Variants in KCNQ1 observed in about 807,000 individuals in gnomAD.
KCNQ1 encodes the protein potassium voltage-gated channel subfamily KQT member 1.
Under a neutral mutation model 72.4 loss-of-function variants are expected in KCNQ1, and 49 were observed. That is an observed-to-expected ratio of 0.68 (90% CI 0.54 to 0.86). The LOEUF is 0.86. KCNQ1 is among the 40% of genes least tolerant of loss of function. KCNQ1 has a pLI of 0.00. For missense variants in KCNQ1, 790 were observed against 945.1 expected (o/e 0.84, Z 2.15); for synonymous variants, 450 against 412.6 (o/e 1.09, Z -1.10).
chr11:2,445,907 C>T (rs1358796535), intron 1 of KCNQ1, among the ~76,000 whole-genome samples: 1 of 152,164 alleles, frequency 6.6e-6, no homozygotes, highest in South Asian at 2.1e-4. Context: ...ATGTCCGGTG[C>T]CGCATCTCAG....
In KCNQ1 at chr11:2,734,345, A is replaced by G. The variant is rs1464324443; in HGVS notation, c.1515-34499A>G. Among the ~76,000 whole-genome samples the G allele has an allele frequency of 1.3e-5, 2 of 152,206 alleles. No homozygotes were observed. The highest frequency in any genetic ancestry group is 2.9e-5 in the Non-Finnish European group (2 of 68,032). On this transcript the variant is annotated intron_variant, in intron 11 of 15. Coordinates refer to ENST00000155840, the MANE Select transcript of KCNQ1 (RefSeq NM_000218.3). The surrounding 1 kb of genome is among the most constrained non-coding windows in gnomAD (Gnocchi z 7.0). ...TTTCCGTGAGGTGGCGGGGAGCACC[A>G]AGGGTAGAGGCAGGGGAGCAATGGA...
Position 2,659,094 on chromosome 11 carries a change from T to C in KCNQ1, c.1394-2867T>C. The C allele has an allele frequency of 5.0e-6, 2 of 398,646 alleles. No individual in the cohort carries two copies. Among genetic ancestry groups the C allele is most frequent in the Middle Eastern group, 6.3e-4 (1 of 1,590 alleles). 24.7% of individuals were successfully genotyped at this position (398,646 alleles called of 1,614,324 possible). On this transcript the variant is annotated intron_variant, in intron 10 of 15. Coordinates refer to ENST00000155840, the MANE Select transcript of KCNQ1 (RefSeq NM_000218.3). The surrounding 1 kb of genome is among the most constrained non-coding windows in gnomAD (Gnocchi z 4.3). ...TAGTCTGCTTTTCATCGTAGGGTCC[T>C]CCAACATCCGGGTTAATTTTTTAAA...
At chr11:2,523,079 C>T (rs1847417772) in intron 1 of KCNQ1, among the ~76,000 whole-genome samples, 1 of 152,236 alleles carries the variant, frequency 6.6e-6, no homozygotes, top group Admixed American at 6.5e-5. Context: ...GAAGCCCAGG[C>T]GCGTGGTATT....
At position 2,517,010 on chromosome 11, in the gene KCNQ1, C is replaced by G. The variant is rs544573102; in HGVS notation, c.387-10918C>G. On this transcript the variant is annotated intron_variant, in intron 1 of 15. Transcript: ENST00000155840. ...ACTCGGGATGGCATGGCAGGGCCCTCAAGCACGGCTGTGTTCACCCCCCAG... is the reference window on the plus strand; with the variant it reads ...ACTCGGGATGGCATGGCAGGGCCCTGAAGCACGGCTGTGTTCACCCCCCAG... Among the ~76,000 whole-genome samples, 45 of 152,292 alleles carry G rather than the reference C, an allele frequency of 3.0e-4. 1 individual carries two copies. In the East Asian group the frequency reaches 8.3e-3, roughly 28 times the overall value.
At chr11:2,733,774 C>CACACACACACACACACACACACACA (rs1845891956) in intron 11 of KCNQ1, among the ~76,000 whole-genome samples, 3 of 57,568 alleles carry the variant, frequency 5.2e-5, no homozygotes, top group African/African-American at 2.0e-4. Flanking sequence ...TTCAGGCCTT[C>CACACACACACACACACACACACACA]CACACACACA....
In KCNQ1 at chr11:2,804,218, A is replaced by G. The variant is rs565627397; in HGVS notation, c.1794+26181A>G. On this transcript the variant is annotated intron_variant, in intron 15 of 15. Transcript: ENST00000155840. The stretch of plus-strand genomic sequence containing the variant: ...CTGTGCACCAGCTCCCACACCACCC[A>G]TGCCACGTGCCTGCTCTCCACCGAG... 3.9e-5 allele frequency among the ~76,000 whole-genome samples: 6 copies of G among 152,210 alleles called. No individual in the cohort carries two copies. In the East Asian group the frequency reaches 9.6e-4, roughly 24 times the overall value.
At chr11:2,461,385 G>A in intron 1 of KCNQ1, 1 of 1,246,680 alleles carries the variant, frequency 8.0e-7, no homozygotes, top group Non-Finnish European at 1.0e-6. Flanking sequence ...CCTTGAGTGT[G>A]GAGGAGATAA....
chr11:2,683,995 G>T lies in KCNQ1; in HGVS notation c.1514+21914G>T, dbSNP rs1464097149. 4 of 397,744 alleles carry T rather than the reference G, an allele frequency of 1.0e-5. No individual in the cohort carries two copies. The highest frequency in any genetic ancestry group is 1.8e-5 in the Non-Finnish European group (4 of 225,982). 24.6% of individuals were successfully genotyped at this position (397,744 alleles called of 1,614,324 possible). A position where few individuals can be genotyped will look rare whatever the true frequency, so the allele number is the denominator to read the frequency against. ...TTTTTCATTTAGAAGAATTTCCTTGGCAACTCCGTCTCTCCTTAGTCAACA... is the reference window on the plus strand; with the variant it reads ...TTTTTCATTTAGAAGAATTTCCTTGTCAACTCCGTCTCTCCTTAGTCAACA... On this transcript the variant is annotated intron_variant, in intron 11 of 15. Transcript: ENST00000155840. This position sits in a 1 kb window ranked among gnomAD's most constrained non-coding sequence, Gnocchi z 4.7.
At chr11:2,485,369 C>T (rs1019713507) in intron 1 of KCNQ1, among the ~76,000 whole-genome samples, 19 of 138,414 alleles carry the variant, frequency 1.4e-4, no homozygotes, top group African/African-American at 4.4e-4. Flanking sequence ...CCATCCCCCA[C>T]CCCCCCACCC....
intron 10 of KCNQ1, chr11:2,614,117 T>C (rs889415170): frequency 3.3e-5 from 13 of 398,550 alleles, no homozygotes; most frequent in African/African-American, 2.5e-4. Context: ...CACCATTCTT[T>C]GGCTTTCCTA....
rs1367820918 is a variant in KCNQ1, at chr11:2,620,979, T to G, written c.1393+32125T>G. 5.0e-6 allele frequency: 2 copies of G among 397,902 alleles called. No homozygotes were observed. Among genetic ancestry groups the G allele is most frequent in the African/African-American group, 4.1e-5 (2 of 48,510 alleles). The allele number at this position is 397,902 out of a possible 1,614,324, so 24.6% of individuals were successfully genotyped here. On this transcript the variant is annotated intron_variant, in intron 10 of 15. Transcript: ENST00000155840. The surrounding 1 kb of genome is among the most constrained non-coding windows in gnomAD (Gnocchi z 4.5). ...TTTTGTCTGTTTTTTGCTTTTTTGT[T>G]TGTTTGTTTGTTTTTTGAGAAAGAG...
At chr11:2,528,110 G>A (rs1847543837) in intron 2 of KCNQ1, 92 bp downstream of exon 2, 3 of 1,047,048 alleles carry the variant, frequency 2.9e-6, no homozygotes, top group Non-Finnish European at 4.4e-6. Context: ...GGGGGGCAGA[G>A]CCACTCCCAG....
chr11:2,790,717 G>A (rs554592035), intron 15 of KCNQ1, among the ~76,000 whole-genome samples: 16 of 152,324 alleles, frequency 1.1e-4, no homozygotes, highest in Admixed American at 2.6e-4. Context: ...TATGCCGATC[G>A]CTCGCGTGCA....
chr11:2,640,923 G>T (rs1171326335), intron 10 of KCNQ1: 5 of 399,148 alleles, frequency 1.3e-5, no homozygotes, highest in African/African-American at 2.1e-5. Flanking sequence ...AATAACATAA[G>T]ATAATTATCT....
intron 1 of KCNQ1, chr11:2,521,332 C>G (rs1385113164): frequency 3.0e-6 from 1 of 330,244 alleles, no homozygotes; most frequent in Non-Finnish European, 6.2e-6. Flanking sequence ...CGGTGGATTT[C>G]GCTGCTCTGG....
chr11:2,689,008 G>T, intron 11 of KCNQ1: 1 of 398,732 alleles, frequency 2.5e-6, no homozygotes, highest in Non-Finnish European at 4.4e-6. Flanking sequence ...CAGGTCCCTG[G>T]GTTGGAATCC....
intron 15 of KCNQ1, among the ~76,000 whole-genome samples, chr11:2,806,299 G>GGGGAGGGAGAGAGGAA (rs1337550643): frequency 6.6e-6 from 1 of 152,214 alleles, no homozygotes; most frequent in Non-Finnish European, 1.5e-5. Flanking sequence ...GAAGAAGAGA[G>GGGGAGGGAGAGAGGAA]GGGAGGGAGA....
chr11:2,570,585 G>A (rs745986705), intron 2 of KCNQ1, 43 bp from the exon 3 acceptor site: 2 of 1,608,196 alleles, frequency 1.2e-6, no homozygotes, highest in East Asian at 4.5e-5. Flanking sequence ...AGCCACTCAA[G>A]GCCGAGCCTG....
In KCNQ1 at chr11:2,818,890, G is replaced by A. The variant is rs545136147; in HGVS notation, c.1795-28877G>A. The stretch of plus-strand genomic sequence containing the variant: ...CCAGGCCCAGCAGAATCACATCTAG[G>A]AGAGTGGGCCACATGCCTCTTGGAA... On this transcript the variant is annotated intron_variant, in intron 15 of 15. Transcript: ENST00000155840. The surrounding 1 kb of genome is among the most constrained non-coding windows in gnomAD (Gnocchi z 7.2). Among the ~76,000 whole-genome samples, 3 of 152,230 alleles carry A rather than the reference G, an allele frequency of 2.0e-5. No individual in the cohort carries two copies. The highest frequency in any genetic ancestry group is 7.2e-5 in the African/African-American group (3 of 41,538).
Sources: allele counts gnomAD v4.1 joint callset (sites outside exome capture counted in the v4.1 genomes callset), GRCh38; gene constraint gnomAD v4.1.1; non-coding constraint Gnocchi (gnomAD v3.1); transcripts MANE v1.5; gene names NCBI Gene and HGNC (gene_info 2026-07-23, HGNC 2026-07-21).